Variants in TMPRSS15 observed in about 807,000 individuals in gnomAD.
The protein encoded by TMPRSS15 is enteropeptidase.
Under a neutral mutation model 125.3 loss-of-function variants are expected in TMPRSS15, and 128 were observed. The ratio of observed to expected loss-of-function variants is 1.02; its 90% confidence interval spans 0.89 to 1.18. TMPRSS15 has a LOEUF of 1.18. Among genes scored for constraint, TMPRSS15 ranks in the 50% most tolerant of loss-of-function variants. The pLI is 0.00. For missense variants in TMPRSS15, 1,283 were observed against 1,212.7 expected, an observed-to-expected ratio of 1.06 and a Z score of -0.86; for synonymous variants, 446 against 423.2, an observed-to-expected ratio of 1.05 and a Z score of -0.66.
At chr21:18,304,467 C>T (rs2075007864) in intron 18 of TMPRSS15, among the ~76,000 whole-genome samples, 1 of 152,152 alleles carries the variant, frequency 6.6e-6, no homozygotes, top group African/African-American at 2.4e-5. Context: ...CAGGGTCCTT[C>T]ACCTCTTTGG....
At chr21:18,391,807 A>T (rs538727093) in intron 3 of TMPRSS15, among the ~76,000 whole-genome samples, 39 of 152,232 alleles carry the variant, frequency 2.6e-4, no homozygotes, top group Non-Finnish European at 4.4e-4. Flanking sequence ...CCTGCAGCAG[A>T]CTTCTGCCTA....
chr21:18,317,772 C>CCCATCCCATA (rs2075183247), intron 16 of TMPRSS15, among the ~76,000 whole-genome samples: 1 of 95,230 alleles, frequency 1.1e-5, no homozygotes, highest in Non-Finnish European at 2.2e-5. Context: ...CCCATCCCAT[C>CCCATCCCATA]CCATCCCATC....
At chr21:18,471,878 A>G (rs1487188807) in intron 1 of TMPRSS15, among the ~76,000 whole-genome samples, 2 of 152,120 alleles carry the variant, frequency 1.3e-5, no homozygotes, top group African/African-American at 4.8e-5. Context: ...AGCCAATAAC[A>G]TGAAGGGAAT....
At chr21:18,341,157 G>A (rs571755618) in intron 13 of TMPRSS15, among the ~76,000 whole-genome samples, 24 of 152,228 alleles carry the variant, frequency 1.6e-4, no homozygotes, top group Non-Finnish European at 3.4e-4. Context: ...AATCTCTCAG[G>A]CTCAAGAGTC....
intron 23 of TMPRSS15, among the ~76,000 whole-genome samples, chr21:18,278,392 C>A (rs1384898768): frequency 6.6e-6 from 1 of 151,912 alleles, no homozygotes; most frequent in Non-Finnish European, 1.5e-5. Flanking sequence ...TTTATAATAT[C>A]TTCTATGCAA....
chr21:18,383,573 A>G (rs1408212664), intron 4 of TMPRSS15, 54 bp downstream of exon 4: 7 of 1,597,480 alleles, frequency 4.4e-6, no homozygotes, highest in African/African-American at 4.0e-5. Flanking sequence ...TATTGCTAGA[A>G]TTTTAATTTC....
At chr21:18,333,200 G>T (rs866557804) in intron 13 of TMPRSS15, among the ~76,000 whole-genome samples, 1 of 151,992 alleles carries the variant, frequency 6.6e-6, no homozygotes, top group South Asian at 2.1e-4. Flanking sequence ...TCCATGACAC[G>T]AGTTTACCTG....
chr21:18,387,598 CACACACACACACAT>C (rs1339135455), intron 3 of TMPRSS15, among the ~76,000 whole-genome samples: 1 of 115,864 alleles, frequency 8.6e-6, no homozygotes, highest in African/African-American at 3.6e-5. Flanking sequence ...AGAGTAGCTA[CACACACACACACAT>C]ACACACACAC....
intron 1 of TMPRSS15, among the ~76,000 whole-genome samples, chr21:18,420,134 G>T (rs9977190): frequency 0.097 from 14,812 of 152,170 alleles, 1,632 homozygotes; most frequent in African/African-American, 0.27. Context: ...TGAAAAATTT[G>T]AAGTTTTCTT....
In TMPRSS15 at chr21:18,359,831, A is replaced by C. The variant is rs2147022204; in HGVS notation, c.806T>G (p.Phe269Cys). 4 of 1,535,706 alleles carry C rather than the reference A, an allele frequency of 2.6e-6. No homozygotes were observed. In the East Asian group the frequency reaches 9.1e-5, roughly 35 times the overall value. ...TGTATAATATGTATTAAAATCATCG[A>C]AGCTCAGTTTAATGGAAAGTCCTTG... The part of the protein sequence containing the change: ...VNQGLSIKLS[F>C]DDFNTYYTDI... Residue 269 changes from phenylalanine (F) to cysteine (C), a missense_variant, in exon 8 of 25, where the codon TTC becomes TGC. Transcript: ENST00000284885.
At chr21:18,278,924 GTTTTTTTTTTTT>G in intron 23 of TMPRSS15, 28 bp downstream of exon 23, 1 of 438,022 alleles carries the variant, frequency 2.3e-6, no homozygotes, top group Non-Finnish European at 3.9e-6. Flanking sequence ...CACCAGTAAG[GTTTTTTTTTTTT>G]TTTTTTTTTT....
chr21:18,482,195 TAGAG>T lies in TMPRSS15; in HGVS notation c.10+3600_10+3603del, dbSNP rs1234910720. ...TAAATTATAATATAAATAATTTTGATAGAGAGAATAGGAACATTATCCAATATGA... is the reference window on the plus strand; with the variant it reads ...TAAATTATAATATAAATAATTTTGATAGAATAGGAACATTATCCAATATGA... On this transcript the variant is annotated intron_variant, in intron 1 of 7. Coordinates refer to the TMPRSS15 transcript ENST00000422787. 5.9e-5 allele frequency among the ~76,000 whole-genome samples: 9 copies of T among 151,574 alleles called. No individual in the cohort carries two copies. The East Asian group carries it at 7.7e-4, about 13-fold the overall frequency.
intron 1 of TMPRSS15, among the ~76,000 whole-genome samples, chr21:18,408,900 C>A (rs957920181): frequency 6.6e-6 from 1 of 151,860 alleles, no homozygotes. Context: ...TTGAACTAGT[C>A]CTCCTTTATT....
intron 1 of TMPRSS15, among the ~76,000 whole-genome samples, chr21:18,438,220 G>A (rs892422559): frequency 3.1e-4 from 46 of 149,592 alleles, no homozygotes; most frequent in East Asian, 6.0e-4. Flanking sequence ...GTAAACTATC[G>A]CAAGGACAAA....
rs1216088813 is a variant in TMPRSS15 at position 18,463,280 on chromosome 21, C to CG, written c.10+22518dup. On this transcript the variant is annotated intron_variant, in intron 1 of 7. Coordinates refer to the TMPRSS15 transcript ENST00000422787. ...AAAAAAAAAAAAAAAAAAAAAAAGC[C>CG]GGGGGTGGGGAGGGTTGCAATCCTA... is the stretch of plus-strand genomic sequence containing the variant. 7.3e-5 allele frequency among the ~76,000 whole-genome samples: 8 copies of CG among 109,776 alleles called. No individual in the cohort carries two copies. The Admixed American group carries it at 7.8e-4, about 11-fold the overall frequency. 72.0% of individuals were successfully genotyped at this position (109,776 alleles called of 152,430 possible).
Position 18,398,218 on chromosome 21 carries a change from G to T in TMPRSS15, c.257C>A (p.Ala86Asp). 6.2e-7 allele frequency: 1 copy of T among 1,613,848 alleles called. No homozygotes were observed. The highest frequency in any genetic ancestry group is 1.1e-5 in the South Asian group (1 of 91,080). ...DKLSVDFKVL[A>D]FDLQQMIDEI... ...TCCTACCATTTGCTGAAGGTCAAAAGCAAGAACTTTGAAATCCACTGAGAG... is the reference window on the plus strand; with the variant it reads ...TCCTACCATTTGCTGAAGGTCAAAATCAAGAACTTTGAAATCCACTGAGAG... The change falls in exon 2 of 25, where the codon GCT becomes GAT. Residue 86 changes from alanine to aspartate, a missense_variant. Transcript: ENST00000284885.
At chr21:18,407,937 C>G (rs1364372126), upstream of TMPRSS15, among the ~76,000 whole-genome samples, 1 of 151,930 alleles carries the variant, frequency 6.6e-6, no homozygotes, top group Non-Finnish European at 1.5e-5. Context: ...TTGTTGTGTA[C>G]CATTTTGGTA....
chr21:18,383,577 T>C, intron 4 of TMPRSS15, 50 bp downstream of exon 4: 1 of 1,601,968 alleles, frequency 6.2e-7, no homozygotes, highest in Non-Finnish European at 8.5e-7. Flanking sequence ...GCTAGAATTT[T>C]AATTTCATAG....
In TMPRSS15 at chr21:18,379,282, C is replaced by T; in HGVS notation, c.532+1G>A. On this transcript the variant is annotated splice_donor_variant, in intron 5 of 24. Coordinates refer to ENST00000284885, the MANE Select transcript of TMPRSS15 (RefSeq NM_002772.3). LOFTEE classifies it high-confidence loss of function. The stretch of plus-strand genomic sequence containing the variant: ...ATAATAATAATATTATTAAAACTGA[C>T]CTGGAGTTGCCAGATGACTGGTGGT... 1 of 1,316,230 alleles carries T rather than the reference C, an allele frequency of 7.6e-7. No individual in the cohort carries two copies. 81.5% of individuals were successfully genotyped at this position (1,316,230 alleles called of 1,614,324 possible).
Sources: allele counts gnomAD v4.1 joint callset (sites outside exome capture counted in the v4.1 genomes callset), GRCh38; gene constraint gnomAD v4.1.1; transcripts MANE v1.5; gene names NCBI Gene and HGNC (gene_info 2026-07-23, HGNC 2026-07-21).